The following PREX1 variants were observed in gnomAD, a reference collection of about 807,000 sequenced individuals.
PREX1 encodes the protein phosphatidylinositol 3,4,5-trisphosphate-dependent Rac exchanger 1 protein.
Under a neutral mutation model 198.3 loss-of-function variants are expected in PREX1, and 41 were observed. The ratio of observed to expected loss-of-function variants is 0.21; its 90% CI spans 0.16 to 0.27. The LOEUF is 0.27. PREX1 is among the 10% of genes least tolerant of loss of function. The pLI, the probability that PREX1 is intolerant of heterozygous loss-of-function variation, is 1.00. For synonymous variants in PREX1, 843 were observed against 887.2 expected, an observed-to-expected ratio of 0.95 and a Z score of 0.89; for missense variants, 1,620 against 2,200.7, an observed-to-expected ratio of 0.74 and a Z score of 5.28.
At chr20:48,636,725 C>T (rs776856473) in intron 31 of PREX1, 42 bp from the exon 32 acceptor site, 12 of 1,523,554 alleles carry the variant, frequency 7.9e-6, no homozygotes, top group Middle Eastern at 1.9e-4. Context: ...GGGGCGCTCC[C>T]GTGCCACCAG....
intron 1 of PREX1, among the ~76,000 whole-genome samples, chr20:48,821,384 A>C (rs1358627815): frequency 6.6e-6 from 1 of 152,140 alleles, no homozygotes; most frequent in Non-Finnish European, 1.5e-5. Flanking sequence ...CAAAACAAGG[A>C]GATTCAGACC....
intron 1 of PREX1, among the ~76,000 whole-genome samples, chr20:48,751,602 G>A (rs560243772): frequency 4.1e-4 from 63 of 152,336 alleles, no homozygotes; most frequent in African/African-American, 1.5e-3. Context: ...TGCACTGGCA[G>A]GATGGTGAAA....
At chr20:48,710,942 T>C (rs1046980528) in intron 5 of PREX1, among the ~76,000 whole-genome samples, 2 of 152,154 alleles carry the variant, frequency 1.3e-5, no homozygotes, top group Non-Finnish European at 2.9e-5. Flanking sequence ...CAAGGCCAGA[T>C]CACATGAGGC....
Position 48,691,239 on chromosome 20 carries a change from C to A in PREX1, c.1037-143G>T, listed in dbSNP as rs542724825. 2.1e-5 allele frequency: 22 copies of A among 1,028,626 alleles called. No individual in the cohort carries two copies. Among genetic ancestry groups the A allele is most frequent in the East Asian group, 1.8e-4 (7 of 39,064 alleles). 63.7% of individuals were successfully genotyped at this position (1,028,626 alleles called of 1,614,324 possible). ...GGAGCTGGACTTCCAGCCCTTCAAA[C>A]GCTCACTTCTTATCCTTTTCCAGTG... On this transcript the variant is annotated intron_variant, in intron 8 of 39. Transcript: ENST00000371941. This position sits in a 1 kb window ranked among gnomAD's most constrained non-coding sequence, Gnocchi z 5.0.
chr20:48,675,627 G>C (rs893693259), intron 14 of PREX1, among the ~76,000 whole-genome samples: 9 of 152,192 alleles, frequency 5.9e-5, no homozygotes, highest in African/African-American at 9.7e-5. Flanking sequence ...AGGGGGAGTG[G>C]AGAGTTGAAT....
the PREX1 span, among the ~76,000 whole-genome samples, chr20:48,866,789 T>G: frequency 6.6e-6 from 1 of 152,030 alleles, no homozygotes; most frequent in Admixed American, 6.6e-5. Flanking sequence ...ATTAGCCAAG[T>G]ATGGTGGCAC....
chr20:48,853,211 C>T, the PREX1 span, among the ~76,000 whole-genome samples: 4 of 152,190 alleles, frequency 2.6e-5, no homozygotes, highest in Non-Finnish European at 4.4e-5. Flanking sequence ...AATGCTCAGA[C>T]ATGAATTTAG....
chr20:48,691,122 C>T lies in PREX1; in HGVS notation c.1037-26G>A. ...CTGGTGGGGGCAGGAGGCAAAGGTG[C>T]AGCAGAGACTCAGCCGCGTGACCTT... On this transcript the variant is annotated intron_variant, in intron 8 of 39. Coordinates refer to ENST00000371941, the MANE Select transcript of PREX1 (RefSeq NM_020820.4). The surrounding 1 kb of genome is among the most constrained non-coding windows in gnomAD (Gnocchi z 5.0). 3 of 1,614,016 alleles carry T rather than the reference C, an allele frequency of 1.9e-6. No homozygotes were observed. Among genetic ancestry groups the T allele is most frequent in the Non-Finnish European group, 1.7e-6 (2 of 1,179,902 alleles).
rs77612186 is a variant in PREX1 at position 48,811,341 on chromosome 20, G to A, written c.219+16301C>T. Among the ~76,000 whole-genome samples the A allele has an allele frequency of 7.9e-5, 12 of 152,148 alleles. No individual in the cohort carries two copies. In the East Asian group the frequency reaches 1.5e-3, roughly 20 times the overall value. The stretch of plus-strand genomic sequence containing the variant: ...AAACAAAAAATTTTAAAACAATCCC[G>A]TGCAGGCTGACAAAACCCACATATG... On this transcript the variant is annotated intron_variant, in intron 1 of 39. Transcript: ENST00000371941.
intron 20 of PREX1, among the ~76,000 whole-genome samples, 192 bp from the exon 21 acceptor site, chr20:48,652,898 C>T (rs891327623): frequency 6.6e-6 from 1 of 152,174 alleles, no homozygotes; most frequent in African/African-American, 2.4e-5. Context: ...GAGGCAGGGA[C>T]ATGGGTGCAG....
At chr20:48,683,219 C>T (rs1158721660) in intron 10 of PREX1, among the ~76,000 whole-genome samples, 2 of 152,158 alleles carry the variant, frequency 1.3e-5, no homozygotes, top group Non-Finnish European at 2.9e-5. Flanking sequence ...AATTGGGGGC[C>T]GCCTCTGGCA....
At chr20:48,794,093 C>T (rs779367612) in intron 1 of PREX1, among the ~76,000 whole-genome samples, 1 of 152,120 alleles carries the variant, frequency 6.6e-6, no homozygotes, top group Non-Finnish European at 1.5e-5. Flanking sequence ...GTGGGAGGAC[C>T]CCCTTATGAA....
Position 48,827,260 on chromosome 20 carries a change from G to A in PREX1, c.219+382C>T, listed in dbSNP as rs1260187362. On this transcript the variant is annotated intron_variant, in intron 1 of 39. Coordinates refer to ENST00000371941, the MANE Select transcript of PREX1 (RefSeq NM_020820.4). This position sits in a 1 kb window ranked among gnomAD's most constrained non-coding sequence, Gnocchi z 4.1. ...GTCCTAGATGAGTGGTGCACCGGGCGCGTAGTTATTCCTGGGAAAAAGACG... is the reference window on the plus strand; with the variant it reads ...GTCCTAGATGAGTGGTGCACCGGGCACGTAGTTATTCCTGGGAAAAAGACG... Among the ~76,000 whole-genome samples the A allele has an allele frequency of 6.6e-6, 1 of 152,244 alleles. No homozygotes were observed. The highest frequency in any genetic ancestry group is 2.4e-5 in the African/African-American group (1 of 41,468).
intron 1 of PREX1, among the ~76,000 whole-genome samples, chr20:48,792,481 G>A (rs2090342929): frequency 6.6e-6 from 1 of 151,880 alleles, no homozygotes; most frequent in Admixed American, 6.6e-5. Context: ...AAAAAAAAAG[G>A]AGCTAACACA....
the PREX1 span, among the ~76,000 whole-genome samples, chr20:48,854,280 G>A: frequency 4.6e-5 from 7 of 152,180 alleles, no homozygotes; most frequent in African/African-American, 1.2e-4. Flanking sequence ...ACTCTAGGTC[G>A]GAACTCAAGT....
intron 3 of PREX1, among the ~76,000 whole-genome samples, chr20:48,737,316 C>A (rs2090061395): frequency 6.7e-6 from 1 of 148,980 alleles, no homozygotes; most frequent in African/African-American, 2.5e-5. Flanking sequence ...GGGTCCCAGG[C>A]AGATTTTGGG....
intron 7 of PREX1, among the ~76,000 whole-genome samples, chr20:48,694,345 G>A (rs1235351011): frequency 2.6e-5 from 4 of 152,234 alleles, no homozygotes; most frequent in African/African-American, 9.6e-5. Context: ...GCCACGGGAA[G>A]TCACTCATCT....
chr20:48,706,351 T>C (rs735084), intron 6 of PREX1, among the ~76,000 whole-genome samples: 34,022 of 152,214 alleles, frequency 0.22, 4,483 homozygotes, highest in South Asian at 0.4. Context: ...TTCTTCCTTT[T>C]CTGACAATAT....
At position 48,713,227 on chromosome 20, in the gene PREX1, G is replaced by A. The variant is rs188169793; in HGVS notation, c.622-4806C>T. On this transcript the variant is annotated intron_variant, in intron 5 of 39. Transcript: ENST00000371941. ...AGCACTTTGGGAAGCCAAGGCGGGC[G>A]GATCACCTGAGGTAAGGACTTCAAG... Among the ~76,000 whole-genome samples the A allele has an allele frequency of 3.1e-4, 47 of 152,300 alleles. 1 individual carries two copies. In the South Asian group the frequency reaches 5.2e-3, roughly 17 times the overall value.
Sources: allele counts gnomAD v4.1 joint callset (sites outside exome capture counted in the v4.1 genomes callset), GRCh38; gene constraint gnomAD v4.1.1; non-coding constraint Gnocchi (gnomAD v3.1); transcripts MANE v1.5; gene names NCBI Gene and HGNC (gene_info 2026-07-23, HGNC 2026-07-21).